GALNT5: variants seen among roughly 807,000 people sequenced by gnomAD.
The protein encoded by GALNT5 is UDP-GalNAc:polypeptide N-acetylgalactosaminyltransferase 5.
In GALNT5, 72 loss-of-function variants were observed where a neutral mutation model predicts 85.4. The ratio of observed to expected loss-of-function variants is 0.84; its 90% CI spans 0.70 to 1.03. The LOEUF (loss-of-function observed/expected upper bound fraction) is 1.03. Among genes scored for constraint, GALNT5 ranks in the 50% least tolerant of loss-of-function variants. The pLI, the probability that GALNT5 is intolerant of heterozygous loss-of-function variation, is 0.00. For missense variants in GALNT5, 1,137 were observed against 1,135.5 expected (o/e 1.00, Z -0.02); for synonymous variants, 404 against 397.0 (o/e 1.02, Z -0.21).
intron 3 of GALNT5, among the ~76,000 whole-genome samples, chr2:157,292,972 G>A (rs920502323): frequency 6.6e-6 from 1 of 152,174 alleles, no homozygotes; most frequent in African/African-American, 2.4e-5. Context: ...AAAGTGCTGA[G>A]ATTATAGGCG....
chr2:157,284,104 C>T (rs1178946035), intron 1 of GALNT5, among the ~76,000 whole-genome samples, 178 bp from the exon 2 acceptor site: 1 of 152,068 alleles, frequency 6.6e-6, no homozygotes, highest in Admixed American at 6.6e-5. Context: ...CAAAAAAAGG[C>T]ACATGATAAA....
In GALNT5 at chr2:157,280,046, C is replaced by T. The variant is rs544457971; in HGVS notation, c.1455-4236C>T. Among the ~76,000 whole-genome samples, 11 of 152,184 alleles carry T rather than the reference C, an allele frequency of 7.2e-5. No individual in the cohort carries two copies. The East Asian group carries it at 1.9e-3, about 27-fold the overall frequency. Reference sequence around the variant, plus strand: ...CTCCTGACCTCAGATGATCCACCCACCTTGGCCTCCCAAAGCACTGGCATT... The same window carrying T: ...CTCCTGACCTCAGATGATCCACCCATCTTGGCCTCCCAAAGCACTGGCATT... On this transcript the variant is annotated intron_variant, in intron 1 of 9. Coordinates refer to ENST00000259056, the MANE Select transcript of GALNT5 (RefSeq NM_014568.3).
rs73022677 is a variant in GALNT5, at chr2:157,289,462, A to T, written c.1741+3328A>T. On this transcript the variant is annotated intron_variant, in intron 3 of 9. Coordinates refer to ENST00000259056, the MANE Select transcript of GALNT5 (RefSeq NM_014568.3). ...TATAACTACAGTAGACATTTTATCA[A>T]ATAACATGTGGAATAGATTCTAATA... Among the ~76,000 whole-genome samples, 1,139 of 152,304 alleles carry T rather than the reference A, an allele frequency of 7.5e-3. 17 individuals are homozygous for T. The highest frequency in any genetic ancestry group is 0.026 in the African/African-American group (1,060 of 41,558).
chr2:157,299,223 A>G (rs1683286094), intron 5 of GALNT5: 1 of 177,398 alleles, frequency 5.6e-6, no homozygotes, highest in Non-Finnish European at 1.2e-5. Flanking sequence ...TGGAATATAT[A>G]TATAATACTT....
At chr2:157,291,610 T>G (rs1308834410) in intron 3 of GALNT5, among the ~76,000 whole-genome samples, 1 of 150,102 alleles carries the variant, frequency 6.7e-6, no homozygotes, top group Admixed American at 6.6e-5. Flanking sequence ...TTTGGCACAT[T>G]GAACAGTTTT....
In GALNT5 at chr2:157,258,314, C is replaced by G; in HGVS notation, c.232C>G (p.Leu78Val). ...CAGCATAAAAGAGATGAAACCTCCC[C>G]TAAGGGGACATGGGAAAGGGGCATG... ...YSSIKEMKPP[L>V]RGHGKGAWGK... The change falls in exon 1 of 10, where the codon CTA becomes GTA. Residue 78 changes from leucine (L) to valine (V), a missense_variant. Leu to Val is a conservative substitution (Grantham distance 32, BLOSUM62 1). Coordinates refer to ENST00000259056, the MANE Select transcript of GALNT5 (RefSeq NM_014568.3). The G allele has an allele frequency of 6.3e-7, 1 of 1,598,152 alleles. No individual in the cohort carries two copies. Among genetic ancestry groups the G allele is most frequent in the Non-Finnish European group, 8.5e-7 (1 of 1,174,122 alleles).
chr2:157,290,112 T>TACATATACATATACAC (rs1683068173), intron 3 of GALNT5, among the ~76,000 whole-genome samples: 1 of 138,234 alleles, frequency 7.2e-6, no homozygotes, highest in African/African-American at 3.1e-5. Context: ...TATATATATA[T>TACATATACATATACAC]ACATACACAA....
At chr2:157,287,249 T>C (rs995644435) in intron 3 of GALNT5, among the ~76,000 whole-genome samples, 3 of 152,210 alleles carry the variant, frequency 2.0e-5, no homozygotes, top group Non-Finnish European at 4.4e-5. Flanking sequence ...TTTTACCCAA[T>C]GGTTTTTAGT....
chr2:157,287,649 C>T (rs1683009510), intron 3 of GALNT5, among the ~76,000 whole-genome samples: 1 of 152,190 alleles, frequency 6.6e-6, no homozygotes. Flanking sequence ...CATGTCTATT[C>T]TTCCTATGGT....
In GALNT5 at chr2:157,316,483, A is replaced by G. The variant is rs1683706924; in HGVS notation, c.*5135A>G. The stretch of plus-strand genomic sequence containing the variant: ...CTTGAACAGAAATAAAAAGTTAAAA[A>G]GTTGGAGTCCTTTAAAACACAAACC... On this transcript the variant is annotated 3_prime_UTR_variant, in exon 10 of 10. Transcript: ENST00000259056. 6.6e-6 allele frequency among the ~76,000 whole-genome samples: 1 copy of G among 152,194 alleles called. No individual in the cohort carries two copies. Among genetic ancestry groups the G allele is most frequent in the Admixed American group, 6.6e-5 (1 of 15,264 alleles).
chr2:157,300,804 T>G lies in GALNT5; in HGVS notation c.2244T>G (p.Val748=). Residue 748 remains valine (V), a synonymous_variant, in exon 7 of 10, where the codon GTT becomes GTG. Transcript: ENST00000259056. ...CAGTGGAGCGGAACTTGGTGCGGGT[T>G]GCCGAGGTCTGGCTGGATGAGTATA... ...MKTVERNLVR[V]AEVWLDEYKE... is the part of the protein sequence containing the mutation. 1 of 1,614,146 alleles carries G rather than the reference T, an allele frequency of 6.2e-7. No individual in the cohort carries two copies. The highest frequency in any genetic ancestry group is 8.5e-7 in the Non-Finnish European group (1 of 1,180,012).
rs1682223585 is a variant in GALNT5 at position 157,257,984 on chromosome 2, ACT to A, written c.-96_-95del. 1 of 1,173,820 alleles carries A rather than the reference ACT, an allele frequency of 8.5e-7. No homozygotes were observed. Among genetic ancestry groups the A allele is most frequent in the African/African-American group, 2.3e-5 (1 of 43,710 alleles). 72.7% of individuals were successfully genotyped at this position (1,173,820 alleles called of 1,614,324 possible). ...CAGGGGAGGGGGTCACTTTCTGGCA[ACT>A]CTGCTGCTGCTGCTGCTGCTGCTGC... On this transcript the variant is annotated 5_prime_UTR_variant, in exon 1 of 10. Coordinates refer to ENST00000259056, the MANE Select transcript of GALNT5 (RefSeq NM_014568.3).
At chr2:157,289,342 T>G (rs1683043879) in intron 3 of GALNT5, among the ~76,000 whole-genome samples, 1 of 152,174 alleles carries the variant, frequency 6.6e-6, no homozygotes, top group Non-Finnish European at 1.5e-5. Context: ...TTAACAGCCT[T>G]GAGAATATTA....
In GALNT5 at chr2:157,317,441, A is replaced by C. The variant is rs1385298887; in HGVS notation, c.*6093A>C. Among the ~76,000 whole-genome samples the C allele has an allele frequency of 6.6e-6, 1 of 151,978 alleles. No homozygotes were observed. Reference sequence around the variant, plus strand: ...CTTGTTATTTAGTTGAAGATTACACACATGTCTTCTGCTTCAAACAACTAC... The same window carrying C: ...CTTGTTATTTAGTTGAAGATTACACCCATGTCTTCTGCTTCAAACAACTAC... On this transcript the variant is annotated 3_prime_UTR_variant, in exon 10 of 10. Transcript: ENST00000259056.
At chr2:157,296,276 T>C (rs935496227) in intron 4 of GALNT5, 118 bp from the exon 5 acceptor site, 2 of 733,966 alleles carry the variant, frequency 2.7e-6, no homozygotes, top group South Asian at 1.8e-5. Flanking sequence ...GGTGGTGATC[T>C]AAACTCATCA....
chr2:157,311,449 T>A lies in GALNT5; in HGVS notation c.*101T>A. 1 of 778,672 alleles carries A rather than the reference T, an allele frequency of 1.3e-6. No individual in the cohort carries two copies. The highest frequency in any genetic ancestry group is 2.0e-6 in the Non-Finnish European group (1 of 497,540). The allele number at this position is 778,672 out of a possible 1,614,324, so 48.2% of individuals were successfully genotyped here. A position where few individuals can be genotyped will look rare whatever the true frequency, so the allele number is the denominator to read the frequency against. ...TCAGCGGTAGTTTAAATTTTCAATT[T>A]TAATAACATTTGAATGGAAGATTTT... On this transcript the variant is annotated 3_prime_UTR_variant, in exon 10 of 10. Coordinates refer to ENST00000259056, the MANE Select transcript of GALNT5 (RefSeq NM_014568.3).
chr2:157,311,138 T>C, intron 9 of GALNT5, 70 bp from the exon 10 acceptor site: 1 of 1,216,340 alleles, frequency 8.2e-7, no homozygotes, highest in East Asian at 2.4e-5. Context: ...TTTTAATTGA[T>C]TTTCATTTCT....
chr2:157,273,986 C>A (rs73020692), intron 1 of GALNT5, among the ~76,000 whole-genome samples: 20,942 of 151,874 alleles, frequency 0.14, 4,177 homozygotes, highest in African/African-American at 0.44. Context: ...CCCCCCACCC[C>A]CTAAAAGGCC....
chr2:157,288,901 T>C (rs1683033056), intron 3 of GALNT5, among the ~76,000 whole-genome samples: 1 of 152,136 alleles, frequency 6.6e-6, no homozygotes, highest in Non-Finnish European at 1.5e-5. Context: ...CGTATAGGAC[T>C]TGCCGTCAGA....
Sources: allele counts gnomAD v4.1 joint callset (sites outside exome capture counted in the v4.1 genomes callset), GRCh38; gene constraint gnomAD v4.1.1; transcripts MANE v1.5; gene names NCBI Gene and HGNC (gene_info 2026-07-23, HGNC 2026-07-21).